The following PCGF6 variants were observed in gnomAD, a reference collection of about 807,000 sequenced individuals.
The protein encoded by PCGF6 is polycomb group RING finger protein 6.
In PCGF6, 24 loss-of-function variants were observed where a neutral mutation model predicts 45.5. The observed-to-expected ratio is 0.53, with a 90% CI of 0.38 to 0.74. The LOEUF (loss-of-function observed/expected upper bound fraction) is 0.74, where lower values mean the gene tolerates loss of function less well. Among genes scored for constraint, PCGF6 ranks in the 30% least tolerant of loss-of-function variants. The pLI is 0.00. For missense variants in PCGF6, 356 were observed against 443.2 expected, an observed-to-expected ratio of 0.80 and a Z score of 1.77; for synonymous variants, 152 against 162.1, an observed-to-expected ratio of 0.94 and a Z score of 0.47.
At chr10:103,344,291 A>C (rs1215558719) in intron 6 of PCGF6, among the ~76,000 whole-genome samples, 1 of 142,904 alleles carries the variant, frequency 7.0e-6, no homozygotes, top group African/African-American at 2.7e-5. Flanking sequence ...TTTTTTTTTG[A>C]GACAGAGTCT....
At chr10:103,310,183 C>G (rs2093152090) in intron 9 of PCGF6, among the ~76,000 whole-genome samples, 1 of 151,362 alleles carries the variant, frequency 6.6e-6, no homozygotes, top group South Asian at 2.1e-4. Flanking sequence ...AACTCCTGAC[C>G]TTAGGTGATC....
intron 5 of PCGF6, among the ~76,000 whole-genome samples, 183 bp downstream of exon 5, chr10:103,347,055 G>T (rs1017958371): frequency 6.6e-6 from 1 of 152,108 alleles, no homozygotes; most frequent in African/African-American, 2.4e-5. Context: ...CAAACTCAGA[G>T]AATCTAGCTC....
chr10:103,319,870 A>T (rs1184422894), intron 8 of PCGF6, among the ~76,000 whole-genome samples: 2 of 152,056 alleles, frequency 1.3e-5, no homozygotes, highest in Non-Finnish European at 2.9e-5. Context: ...CAGTGGTGCG[A>T]TCTCGGCTCA....
intron 8 of PCGF6, among the ~76,000 whole-genome samples, chr10:103,321,825 T>A (rs2093198693): frequency 6.6e-6 from 1 of 152,132 alleles, no homozygotes; most frequent in Non-Finnish European, 1.5e-5. Flanking sequence ...AGCTCAATTT[T>A]GCCATCCCAC....
chr10:103,347,482 G>C, intron 3 of PCGF6, 32 bp from the exon 4 acceptor site: 1 of 1,548,016 alleles, frequency 6.5e-7, no homozygotes, highest in African/African-American at 1.4e-5. Flanking sequence ...GAATACCTCA[G>C]AATTCAGAAA....
intron 9 of PCGF6, among the ~76,000 whole-genome samples, chr10:103,305,978 A>C (rs902368811): frequency 1.3e-5 from 2 of 151,988 alleles, no homozygotes; most frequent in African/African-American, 4.8e-5. Flanking sequence ...CCCCCATACT[A>C]TATGATTCCA....
chr10:103,315,968 ATGTGTGTGTG>A (rs755606997), intron 8 of PCGF6, among the ~76,000 whole-genome samples: 20 of 118,906 alleles, frequency 1.7e-4, no homozygotes, highest in African/African-American at 4.4e-4. Flanking sequence ...AACAGCTTAT[ATGTGTGTGTG>A]TGTGTGTGTG....
intron 6 of PCGF6, among the ~76,000 whole-genome samples, chr10:103,339,810 A>AAACAC (rs1554865094): frequency 4.0e-4 from 13 of 32,236 alleles, no homozygotes; most frequent in East Asian, 1.9e-3. Flanking sequence ...TCAAAAAAAA[A>AAACAC]ACACACACAC....
chr10:103,332,380 C>T (rs1016685074), intron 7 of PCGF6, among the ~76,000 whole-genome samples: 5 of 152,098 alleles, frequency 3.3e-5, no homozygotes, highest in Admixed American at 1.3e-4. Flanking sequence ...CCTAGGCTCA[C>T]GTGATCCTGC....
At chr10:103,333,838 T>C in intron 7 of PCGF6, 87 bp downstream of exon 7, 1 of 893,542 alleles carries the variant, frequency 1.1e-6, no homozygotes, top group Non-Finnish European at 1.7e-6. Flanking sequence ...AACTTATTTA[T>C]ACAATCTCCA....
intron 9 of PCGF6, among the ~76,000 whole-genome samples, chr10:103,304,220 T>G (rs2093129491): frequency 6.6e-6 from 1 of 151,524 alleles, no homozygotes; most frequent in South Asian, 2.1e-4. Context: ...CACTGCAACC[T>G]CTGCCTCCCA....
chr10:103,326,169 G>A (rs894942279), intron 8 of PCGF6, among the ~76,000 whole-genome samples: 4 of 151,948 alleles, frequency 2.6e-5, no homozygotes, highest in Admixed American at 6.6e-5. Context: ...AGGCCGAGGC[G>A]GGCGGATCAC....
intron 8 of PCGF6, among the ~76,000 whole-genome samples, chr10:103,318,617 C>G (rs1315097442): frequency 2.9e-4 from 44 of 151,534 alleles, no homozygotes; most frequent in Admixed American, 2.8e-3. Flanking sequence ...TGGTGGCGGT[C>G]GCCTGTAATC....
At chr10:103,344,811 C>G (rs1455293584) in intron 6 of PCGF6, among the ~76,000 whole-genome samples, 1 of 152,018 alleles carries the variant, frequency 6.6e-6, no homozygotes, top group African/African-American at 2.4e-5. Context: ...CTCAGGTGAT[C>G]CACTCACCTC....
intron 7 of PCGF6, among the ~76,000 whole-genome samples, chr10:103,327,355 C>T (rs757620321): frequency 2.6e-5 from 4 of 151,820 alleles, no homozygotes; most frequent in Non-Finnish European, 2.9e-5. Flanking sequence ...GAAGGAATGG[C>T]GAGACTAAAA....
rs1250062376 is a variant in PCGF6, at chr10:103,326,644, G to A, written c.811-12C>T. ...TTCTTTTCCAATGGCTACAAAAACAGACAGATAAAACTATTTTTAGGTTAA... is the reference window on the plus strand; with the variant it reads ...TTCTTTTCCAATGGCTACAAAAACAAACAGATAAAACTATTTTTAGGTTAA... On this transcript the variant is annotated splice_polypyrimidine_tract_variant and intron_variant, in intron 7 of 9. Coordinates refer to ENST00000369847, the MANE Select transcript of PCGF6 (RefSeq NM_001011663.2). The A allele has an allele frequency of 6.2e-7, 1 of 1,601,098 alleles. No individual in the cohort carries two copies. The highest frequency in any genetic ancestry group is 8.5e-7 in the Non-Finnish European group (1 of 1,172,842).
intron 9 of PCGF6, among the ~76,000 whole-genome samples, chr10:103,305,664 T>C (rs1254847254): frequency 6.6e-6 from 1 of 152,156 alleles, no homozygotes; most frequent in Non-Finnish European, 1.5e-5. Flanking sequence ...TCCACATAAA[T>C]GCAGCTCACC....
At chr10:103,340,825 G>A (rs1211121620) in intron 6 of PCGF6, among the ~76,000 whole-genome samples, 4 of 152,080 alleles carry the variant, frequency 2.6e-5, no homozygotes, top group Admixed American at 2.6e-4. Flanking sequence ...CTAGTGTCCA[G>A]CTCCTGGACT....
At chr10:103,335,754 T>A (rs944206550) in intron 6 of PCGF6, among the ~76,000 whole-genome samples, 1 of 150,512 alleles carries the variant, frequency 6.6e-6, no homozygotes, top group East Asian at 2.0e-4. Flanking sequence ...GATAATGAGG[T>A]CAGGAGTTCA....
Sources: gnomAD v4.1 joint callset for allele counts (sites outside exome capture counted in the v4.1 genomes callset) on GRCh38, gnomAD v4.1.1 for gene constraint, MANE v1.5 for transcripts, NCBI Gene and HGNC (gene_info 2026-07-23, HGNC 2026-07-21) for gene names.